The following SLC14A2 variants were observed in gnomAD, a reference collection of about 807,000 sequenced individuals.
SLC14A2 encodes the protein urea transporter 2.
SLC14A2 carries 91 observed loss-of-function variants against 104.6 expected under a neutral mutation model. The observed-to-expected ratio is 0.87, with a 90% CI of 0.73 to 1.04. The LOEUF (loss-of-function observed/expected upper bound fraction) is 1.04, where lower values mean the gene tolerates loss of function less well. SLC14A2 is among the 50% of genes least tolerant of loss of function. SLC14A2 has a pLI of 0.00. For synonymous variants in SLC14A2, 476 were observed against 466.4 expected (o/e 1.02, Z -0.27); for missense variants, 1,189 against 1,156.0 (o/e 1.03, Z -0.41).
chr18:45,482,513 G>A (rs1393329705), intron 1 of SLC14A2: 3 of 152,156 alleles, frequency 2.0e-5, no homozygotes, highest in Non-Finnish European at 4.4e-5. Context: ...GCTTAACATG[G>A]AGAGGATTCA....
intron 2 of SLC14A2, among the ~76,000 whole-genome samples, chr18:45,551,033 A>T (rs1285492675): frequency 6.6e-6 from 1 of 152,188 alleles, no homozygotes; most frequent in Non-Finnish European, 1.5e-5. Context: ...TAGATACAGA[A>T]AGATAGATGT....
intron 2 of SLC14A2, among the ~76,000 whole-genome samples, chr18:45,608,352 T>C (rs1452916899): frequency 1.3e-5 from 2 of 152,216 alleles, no homozygotes; most frequent in Non-Finnish European, 2.9e-5. Flanking sequence ...CTATATACAG[T>C]ACACTGGGCC....
At chr18:45,678,871 G>A in intron 18 of SLC14A2, 104 bp from the exon 19 acceptor site, 1 of 1,042,376 alleles carries the variant, frequency 9.6e-7, no homozygotes, top group Non-Finnish European at 1.4e-6. Flanking sequence ...CTTAGAGATA[G>A]CATTTGTGGC....
At chr18:45,288,068 T>C (rs1488735941) in intron 1 of SLC14A2, among the ~76,000 whole-genome samples, 4 of 152,222 alleles carry the variant, frequency 2.6e-5, no homozygotes, top group African/African-American at 9.6e-5. Flanking sequence ...GGAGTAACCA[T>C]CTTAGATCCA....
intron 8 of SLC14A2, among the ~76,000 whole-genome samples, chr18:45,641,996 T>G (rs1187482035): frequency 2.0e-5 from 3 of 152,178 alleles, no homozygotes; most frequent in African/African-American, 7.2e-5. Context: ...CCACCAGGCA[T>G]AGCCTGCCTG....
chr18:45,440,472 T>C (rs186107026), intron 1 of SLC14A2: 14 of 152,250 alleles, frequency 9.2e-5, no homozygotes, highest in Non-Finnish European at 1.6e-4. Context: ...AGAACGTGTC[T>C]CTGGGTGCCA....
chr18:45,315,619 CAGTAATACATG>C (rs1170995040), intron 1 of SLC14A2, among the ~76,000 whole-genome samples: 1 of 152,074 alleles, frequency 6.6e-6, no homozygotes, highest in South Asian at 2.1e-4. Flanking sequence ...TCCCATGGCC[CAGTAATACATG>C]AGTACTCCTG....
At chr18:45,231,475 C>G (rs1158093928) in intron 1 of SLC14A2, among the ~76,000 whole-genome samples, 3 of 152,178 alleles carry the variant, frequency 2.0e-5, no homozygotes, top group Non-Finnish European at 4.4e-5. Flanking sequence ...ATGGGAAGTA[C>G]TGTGATTACA....
At chr18:45,666,342 T>A in intron 12 of SLC14A2, 123 bp downstream of exon 12, 1 of 643,302 alleles carries the variant, frequency 1.6e-6, no homozygotes, top group Non-Finnish European at 2.8e-6. Flanking sequence ...TGCATTCGTA[T>A]TTTCTGAAAT....
intron 1 of SLC14A2, among the ~76,000 whole-genome samples, chr18:45,325,235 G>T (rs1305972665): frequency 2.6e-5 from 4 of 152,182 alleles, no homozygotes; most frequent in Non-Finnish European, 5.9e-5. Flanking sequence ...AGGAATGGGT[G>T]GTGTCAACGT....
chr18:45,639,623 G>A, intron 6 of SLC14A2, 123 bp from the exon 7 acceptor site: 1 of 876,438 alleles, frequency 1.1e-6, no homozygotes, highest in Non-Finnish European at 1.8e-6. Flanking sequence ...ACATGCTGGA[G>A]GGTACAGTCA....
chr18:45,648,354 C>T lies in SLC14A2; in HGVS notation c.1351+4194C>T, dbSNP rs549112396. ...CAGATTAGCTGGGACTACAGGCACCCGCCACCACGACCAGCTAATTTTTTG... is the reference window on the plus strand; with the variant it reads ...CAGATTAGCTGGGACTACAGGCACCTGCCACCACGACCAGCTAATTTTTTG... On this transcript the variant is annotated intron_variant, in intron 10 of 19. Transcript: ENST00000255226. Among the ~76,000 whole-genome samples the T allele has an allele frequency of 1.5e-4, 23 of 152,052 alleles. 1 individual carries two copies. Among genetic ancestry groups the T allele is most frequent in the African/African-American group, 5.3e-4 (22 of 41,484 alleles).
At chr18:45,626,913 A>G in intron 3 of SLC14A2, 45 bp from the exon 4 acceptor site, 1 of 1,533,124 alleles carries the variant, frequency 6.5e-7, no homozygotes, top group Non-Finnish European at 8.9e-7. Flanking sequence ...TCAGCAGAGC[A>G]GCCCAAGCTG....
At chr18:45,595,730 C>T (rs887295681) in intron 2 of SLC14A2, among the ~76,000 whole-genome samples, 1 of 152,194 alleles carries the variant, frequency 6.6e-6, no homozygotes, top group Non-Finnish European at 1.5e-5. Flanking sequence ...AAGAAATGCT[C>T]TCAGACATGG....
intron 2 of SLC14A2, among the ~76,000 whole-genome samples, chr18:45,531,510 G>T (rs1251663232): frequency 6.6e-6 from 1 of 152,186 alleles, no homozygotes; most frequent in Non-Finnish European, 1.5e-5. Context: ...TTTGAGAAGG[G>T]TCTGTTCATA....
At chr18:45,438,287 G>C (rs1000156649) in intron 1 of SLC14A2, 2 of 152,132 alleles carry the variant, frequency 1.3e-5, no homozygotes, top group Non-Finnish European at 2.9e-5. Flanking sequence ...AGGATGAGGG[G>C]GTAGGGTGGG....
chr18:45,634,818 G>A, intron 5 of SLC14A2: 1 of 457,274 alleles, frequency 2.2e-6, no homozygotes, highest in Non-Finnish European at 4.4e-6. Flanking sequence ...CACTCTGTTT[G>A]CAGGATGGAG....
chr18:45,302,768 A>G (rs570378881), intron 1 of SLC14A2, among the ~76,000 whole-genome samples: 13 of 152,352 alleles, frequency 8.5e-5, no homozygotes, highest in African/African-American at 2.9e-4. Flanking sequence ...ATCTTTACTT[A>G]TAAAATACAT....
At chr18:45,504,882 A>G (rs1001839297) in intron 2 of SLC14A2, among the ~76,000 whole-genome samples, 16 of 152,204 alleles carry the variant, frequency 1.1e-4, no homozygotes, top group Admixed American at 2.6e-4. Context: ...CGATGATAAT[A>G]AAAATAATTA....
Sources: allele counts gnomAD v4.1 joint callset (sites outside exome capture counted in the v4.1 genomes callset), GRCh38; gene constraint gnomAD v4.1.1; transcripts MANE v1.5; gene names NCBI Gene and HGNC (gene_info 2026-07-23, HGNC 2026-07-21).